Variants in DMD observed in about 807,000 individuals in gnomAD.
The protein encoded by DMD is dystrophin, also known as mutant dystrophin.
A neutral mutation model predicts 330.1 loss-of-function variants in DMD; 63 were observed. That is an observed-to-expected ratio of 0.19 (90% CI 0.16 to 0.24). The LOEUF (loss-of-function observed/expected upper bound fraction) is 0.24, where lower values mean the gene tolerates loss of function less well. Ranked by LOEUF, DMD falls within the 10% of genes least tolerant of loss-of-function variation. DMD has a pLI of 1.00. For synonymous variants in DMD, 1,223 were observed against 959.8 expected, an observed-to-expected ratio of 1.27 and a Z score of -5.07; for missense variants, 3,344 against 2,684.1, an observed-to-expected ratio of 1.25 and a Z score of -5.43.
intron 57 of DMD, among the ~76,000 whole-genome samples, chrX:31,488,800 A>T (rs777930069): frequency 3.6e-5 from 4 of 111,820 alleles, no homozygotes; most frequent in African/African-American, 9.8e-5. Flanking sequence ...AATTCTCCAT[A>T]GCAGCAAGAG....
intron 43 of DMD, among the ~76,000 whole-genome samples, chrX:32,252,759 TATAA>T (rs1226857895): frequency 9.9e-5 from 3 of 30,287 alleles, no homozygotes; most frequent in Non-Finnish European, 4.2e-5. Context: ...TATATAAATA[TATAA>T]ATATATATAA....
chrX:32,132,982 CCTTTT>C (rs1178464095), intron 44 of DMD, among the ~76,000 whole-genome samples: 37 of 33,803 alleles, frequency 1.1e-3, no homozygotes, highest in African/African-American at 3.0e-3. Flanking sequence ...ATTGATCACT[CCTTTT>C]CTTTTCTTTT....
chrX:33,036,801 A>ATG (rs1491295346), intron 1 of DMD, among the ~76,000 whole-genome samples: 661 of 61,841 alleles, frequency 0.011, 5 homozygotes, highest in African/African-American at 0.047. Flanking sequence ...ACATGAATGC[A>ATG]TGTGTGTGTA....
rs755482078 is a variant in DMD, at chrX:32,731,016, G to C, written c.650-31723C>G. 1.2e-3 allele frequency among the ~76,000 whole-genome samples: 129 copies of C among 111,711 alleles called. 2 individuals carry two copies. The highest frequency in any genetic ancestry group is 3.9e-3 in the African/African-American group (121 of 30,696). On this transcript the variant is annotated intron_variant, in intron 7 of 78. Coordinates refer to ENST00000357033, the MANE Select transcript of DMD (RefSeq NM_004006.3). Reference sequence around the variant, plus strand: ...CTGAGGTACCAGGTTCATCTCACTAGGGAGTGCCAGACAGTGGGCGCAGCT... The same window carrying C: ...CTGAGGTACCAGGTTCATCTCACTACGGAGTGCCAGACAGTGGGCGCAGCT...
intron 1 of DMD, among the ~76,000 whole-genome samples, chrX:33,161,262 C>G (rs954456973): frequency 1.8e-5 from 2 of 111,467 alleles, no homozygotes; most frequent in East Asian, 5.6e-4. Context: ...ATGGCGGCTG[C>G]TCTTTGAATC....
intron 59 of DMD, among the ~76,000 whole-genome samples, chrX:31,460,706 C>T (rs760322988): frequency 3.6e-4 from 40 of 111,035 alleles, no homozygotes; most frequent in African/African-American, 8.5e-4. Flanking sequence ...CCCAGCCTTT[C>T]GGGTAGCTGG....
intron 51 of DMD, among the ~76,000 whole-genome samples, chrX:31,741,751 A>C (rs1050350160): frequency 9.1e-6 from 1 of 110,254 alleles, no homozygotes; most frequent in Admixed American, 9.8e-5. Flanking sequence ...ACTGAAAGTC[A>C]CCAGTTGCAT....
intron 9 of DMD, among the ~76,000 whole-genome samples, chrX:32,697,328 T>C (rs1176776709): frequency 1.8e-5 from 2 of 111,823 alleles, no homozygotes; most frequent in Non-Finnish European, 3.8e-5. Flanking sequence ...TTATAAATAC[T>C]ACAGAGCCTG....
At position 31,269,601 on chromosome X, in the gene DMD, G is replaced by GT. The variant is rs1344676277; in HGVS notation, c.9225-8586dup. ...TTCTTTTCCTGTGAGAAAGGTCTGT[G>GT]TTTTTTCTAGTATACTCATAGACAA... On this transcript the variant is annotated intron_variant, in intron 62 of 78. Transcript: ENST00000357033. Among the ~76,000 whole-genome samples, 5 of 111,872 alleles carry GT rather than the reference G, an allele frequency of 4.5e-5. No homozygotes were observed. The Admixed American group carries it at 4.7e-4, about 11-fold the overall frequency.
At chrX:33,120,045 C>G (rs113616963) in intron 1 of DMD, among the ~76,000 whole-genome samples, 2,110 of 111,532 alleles carry the variant, frequency 0.019, 46 homozygotes, top group African/African-American at 0.065. Context: ...TGAGTTTCCT[C>G]ACCCTCCCTC....
intron 45 of DMD, among the ~76,000 whole-genome samples, chrX:31,950,694 G>A (rs2095149549): frequency 9.0e-6 from 1 of 110,591 alleles, no homozygotes; most frequent in African/African-American, 3.3e-5. Context: ...GTTTATAATT[G>A]TTATATTTTC....
chrX:32,203,959 T>A (rs1423232625), intron 44 of DMD, among the ~76,000 whole-genome samples: 1 of 111,837 alleles, frequency 8.9e-6, no homozygotes, highest in Non-Finnish European at 1.9e-5. Context: ...GTCTCAACTT[T>A]ACTGATGACA....
intron 41 of DMD, among the ~76,000 whole-genome samples, chrX:32,339,979 T>A (rs1425297065): frequency 8.9e-6 from 1 of 112,294 alleles, no homozygotes; most frequent in Admixed American, 9.5e-5. Context: ...AAGCTGTTAC[T>A]GTGACTATCA....
At chrX:32,924,668 T>C (rs1256536220) in intron 2 of DMD, among the ~76,000 whole-genome samples, 3 of 112,314 alleles carry the variant, frequency 2.7e-5, no homozygotes, top group Non-Finnish European at 5.6e-5. Flanking sequence ...TGTTTTAAAA[T>C]ACACTGATTT....
intron 9 of DMD, among the ~76,000 whole-genome samples, chrX:32,689,241 T>C (rs1381253002): frequency 9.0e-6 from 1 of 110,563 alleles, no homozygotes; most frequent in African/African-American, 3.3e-5. Flanking sequence ...TTTTGGACTA[T>C]AACACAATAA....
At chrX:32,656,826 T>C (rs115337359) in intron 9 of DMD, among the ~76,000 whole-genome samples, 19 of 112,032 alleles carry the variant, frequency 1.7e-4, no homozygotes, top group African/African-American at 6.1e-4. Context: ...TTTAAGGTCA[T>C]TTGTGCTTCC....
At chrX:32,658,824 G>A (rs139815772) in intron 9 of DMD, among the ~76,000 whole-genome samples, 1,592 of 111,386 alleles carry the variant, frequency 0.014, 9 homozygotes, top group Non-Finnish European at 0.02. Flanking sequence ...ACTTTAAGTC[G>A]GCCTCACTTT....
chrX:31,218,738 T>C (rs186086589), intron 64 of DMD, among the ~76,000 whole-genome samples: 1 of 111,982 alleles, frequency 8.9e-6, no homozygotes, highest in Non-Finnish European at 1.9e-5. Flanking sequence ...ATTTCTTCTC[T>C]ATCTCTGTGT....
chrX:32,022,825 C>CTTTTTTTTTTTTTTTTTTTTTTTTTTTT (rs753993138), intron 44 of DMD, among the ~76,000 whole-genome samples: 1 of 90,403 alleles, frequency 1.1e-5, no homozygotes. Context: ...GTATAATCCT[C>CTTTTTTTTTTTTTTTTTTTTTTTTTTTT]TTTTTTTTTT....
Sources: allele counts gnomAD v4.1 joint callset (sites outside exome capture counted in the v4.1 genomes callset), GRCh38; gene constraint gnomAD v4.1.1; transcripts MANE v1.5; gene names NCBI Gene and HGNC (gene_info 2026-07-23, HGNC 2026-07-21).